Variants in RUNX1 observed in about 807,000 individuals in gnomAD.
RUNX1 encodes the protein runt-related transcription factor 1.
RUNX1 carries 19 observed loss-of-function variants against 42.8 expected under a neutral mutation model. The observed-to-expected ratio is 0.44, with a 90% CI of 0.31 to 0.65. The LOEUF (loss-of-function observed/expected upper bound fraction) is 0.65, where lower values mean the gene tolerates loss of function less well. RUNX1 is among the 30% of genes least tolerant of loss of function. The probability of loss-of-function intolerance (pLI) is 0.07; values close to 1 mark genes in which losing one functional copy is unlikely to be tolerated. For synonymous variants in RUNX1, 271 were observed against 289.4 expected (o/e 0.94, Z 0.64); for missense variants, 528 against 672.0 (o/e 0.79, Z 2.37).
At chr21:34,950,698 T>A (rs145015357) in intron 2 of RUNX1, among the ~76,000 whole-genome samples, 272 of 152,362 alleles carry the variant, frequency 1.8e-3, no homozygotes, top group African/African-American at 6.3e-3. Flanking sequence ...ATCTTGCCAC[T>A]GCACTCCAGC....
At chr21:35,035,094 A>AAAG (rs1404000830) in intron 2 of RUNX1, among the ~76,000 whole-genome samples, 1 of 152,202 alleles carries the variant, frequency 6.6e-6, no homozygotes, top group East Asian at 1.9e-4. Context: ...AGAAAATGGG[A>AAAG]AAGTCCAGTC....
chr21:34,979,646 C>A lies in RUNX1; in HGVS notation c.58+69196G>T, dbSNP rs1409411334. ...TGAATGGTTGTTACCAGCGAGGTAC[C>A]TTTTGCTCAATGTTTGCTTAAAGAC... On this transcript the variant is annotated intron_variant, in intron 2 of 8. Transcript: ENST00000675419. Among the ~76,000 whole-genome samples the A allele has an allele frequency of 2.0e-4, 30 of 152,166 alleles. 1 individual carries two copies. Among genetic ancestry groups the A allele is most frequent in the Non-Finnish European group, 5.9e-5 (4 of 68,024 alleles).
intron 2 of RUNX1, among the ~76,000 whole-genome samples, chr21:35,045,423 GC>G: frequency 6.6e-6 from 1 of 152,238 alleles, no homozygotes; most frequent in South Asian, 2.1e-4. Context: ...ACCCCAAGGT[GC>G]TCATAATTTG....
At chr21:34,859,014 A>T (rs1476961787) in intron 6 of RUNX1, among the ~76,000 whole-genome samples, 1 of 152,174 alleles carries the variant, frequency 6.6e-6, no homozygotes, top group East Asian at 1.9e-4. Flanking sequence ...GAAAAGGGTC[A>T]TTTTCATAGT....
At chr21:34,852,185 A>G (rs1350361090) in intron 6 of RUNX1, among the ~76,000 whole-genome samples, 5 of 152,026 alleles carry the variant, frequency 3.3e-5, no homozygotes, top group Non-Finnish European at 4.4e-5. Context: ...AAAACAAAAC[A>G]AAACAAAACA....
rs982213279 is a variant in RUNX1, at chr21:34,918,647, C to T, written c.59-25684G>A. 7.9e-5 allele frequency among the ~76,000 whole-genome samples: 12 copies of T among 152,288 alleles called. No individual in the cohort carries two copies. The East Asian group carries it at 1.2e-3, about 15-fold the overall frequency. On this transcript the variant is annotated intron_variant, in intron 2 of 8. Transcript: ENST00000675419. ...ACATGAGGCCGGGCGTGGTGGCTCA[C>T]GCCTGTCATCCTAGCACTTTGGGAG...
At chr21:34,947,009 C>T in intron 2 of RUNX1, among the ~76,000 whole-genome samples, 1 of 152,140 alleles carries the variant, frequency 6.6e-6, no homozygotes, top group East Asian at 1.9e-4. Flanking sequence ...CCTCAAAGGC[C>T]AATTCTACCA....
intron 2 of RUNX1, among the ~76,000 whole-genome samples, chr21:34,976,320 G>C (rs1299708909): frequency 2.0e-5 from 3 of 151,870 alleles, no homozygotes; most frequent in African/African-American, 7.3e-5. Flanking sequence ...TCAAATATAT[G>C]GGCTCCTTTT....
chr21:34,886,753 G>C (rs1432113321), intron 4 of RUNX1, 90 bp downstream of exon 4: 45 of 1,593,686 alleles, frequency 2.8e-5, no homozygotes, highest in Non-Finnish European at 3.7e-5. Context: ...TCCAGAATCC[G>C]GCCCCGCCCG....
intron 2 of RUNX1, among the ~76,000 whole-genome samples, chr21:34,937,855 T>C (rs1244100384): frequency 6.6e-6 from 1 of 152,224 alleles, no homozygotes; most frequent in African/African-American, 2.4e-5. Context: ...TTTCTTTTTC[T>C]AAAATTGTTT....
intron 6 of RUNX1, among the ~76,000 whole-genome samples, chr21:34,840,945 C>A (rs2057225691): frequency 6.6e-6 from 1 of 152,180 alleles, no homozygotes; most frequent in African/African-American, 2.4e-5. Context: ...CACCCCTCCC[C>A]CTCTACCATC....
chr21:35,046,114 C>A (rs926587663), intron 2 of RUNX1, among the ~76,000 whole-genome samples: 3 of 152,216 alleles, frequency 2.0e-5, no homozygotes, highest in Non-Finnish European at 4.4e-5. Flanking sequence ...ACGTTGCACA[C>A]CGTGTGTGAT....
In RUNX1 at chr21:34,792,313, T is replaced by A. The variant is rs2056451758; in HGVS notation, c.1265A>T (p.Glu422Val). 2.7e-5 allele frequency: 34 copies of A among 1,271,098 alleles called. No homozygotes were observed. The highest frequency in any genetic ancestry group is 1.0e-4 in the East Asian group (3 of 29,656). 78.7% of individuals were successfully genotyped at this position (1,271,098 alleles called of 1,614,324 possible). A position where few individuals can be genotyped will look rare whatever the true frequency, so the allele number is the denominator to read the frequency against. ...GSYQFSMVGG[E>V]RSPPRILPPC... ...CGGCAGGATGCGCGGCGGCGAGCGCTCGCCGCCCACCATGGAGAACTGGTA... is the reference window on the plus strand; with the variant it reads ...CGGCAGGATGCGCGGCGGCGAGCGCACGCCGCCCACCATGGAGAACTGGTA... Residue 422 changes from glutamate (E) to valine (V), a missense_variant, in exon 9 of 9, where the codon GAG becomes GTG. Glu to Val is a moderately radical substitution (Grantham distance 121). Transcript: ENST00000675419. The surrounding 1 kb of genome is among the most constrained non-coding windows in gnomAD (Gnocchi z 6.9).
At chr21:34,962,371 G>A (rs2058687627) in intron 2 of RUNX1, among the ~76,000 whole-genome samples, 2 of 152,200 alleles carry the variant, frequency 1.3e-5, no homozygotes, top group South Asian at 2.1e-4. Flanking sequence ...ACTCAAAACA[G>A]GATGTTCTGT....
intron 2 of RUNX1, among the ~76,000 whole-genome samples, chr21:34,960,983 AAT>A (rs2058677940): frequency 6.6e-6 from 1 of 152,356 alleles, no homozygotes; most frequent in South Asian, 2.1e-4. Flanking sequence ...GTGAAGATAA[AAT>A]AGTCTTGTAG....
intron 7 of RUNX1, among the ~76,000 whole-genome samples, chr21:34,830,895 G>A (rs966063788): frequency 1.3e-5 from 2 of 152,136 alleles, no homozygotes; most frequent in African/African-American, 4.8e-5. Flanking sequence ...GTTTATCTAG[G>A]TTTCAGTTTT....
chr21:34,939,077 A>G (rs2058507452), intron 2 of RUNX1, among the ~76,000 whole-genome samples: 1 of 152,244 alleles, frequency 6.6e-6, no homozygotes, highest in Non-Finnish European at 1.5e-5. Context: ...GTTCATGAAC[A>G]TACTCTGCCA....
In RUNX1 at chr21:34,964,362, C is replaced by T. The variant is rs566279710; in HGVS notation, c.59-71399G>A. Among the ~76,000 whole-genome samples the T allele has an allele frequency of 3.3e-5, 5 of 152,182 alleles. No homozygotes were observed. In the East Asian group the frequency reaches 9.7e-4, roughly 29 times the overall value. ...AATTAGCCAGGCATGGTGGCACACG[C>T]CTGTAGTCCCAGCTACTCGGGAGGC... On this transcript the variant is annotated intron_variant, in intron 2 of 8. Coordinates refer to ENST00000675419, the MANE Select transcript of RUNX1 (RefSeq NM_001754.5).
At chr21:34,977,403 T>A (rs969450755) in intron 2 of RUNX1, among the ~76,000 whole-genome samples, 2 of 152,240 alleles carry the variant, frequency 1.3e-5, no homozygotes, top group African/African-American at 4.8e-5. Context: ...AGGAGGGTTA[T>A]CTTGGTTCAC....
Sources: gnomAD v4.1 joint callset for allele counts (sites outside exome capture counted in the v4.1 genomes callset) on GRCh38, gnomAD v4.1.1 for gene constraint, Gnocchi (gnomAD v3.1) non-coding constraint, MANE v1.5 for transcripts, NCBI Gene and HGNC (gene_info 2026-07-23, HGNC 2026-07-21) for gene names.